The following SGCZ variants were observed in gnomAD, a reference collection of about 807,000 sequenced individuals.
SGCZ encodes the protein sarcoglycan zeta, also known as zeta-sarcoglycan.
In SGCZ, 40 loss-of-function variants were observed where a neutral mutation model predicts 41.3. The ratio of observed to expected loss-of-function variants is 0.97; its 90% CI spans 0.75 to 1.26. The LOEUF is 1.26. Among genes scored for constraint, SGCZ ranks in the 50% most tolerant of loss-of-function variants. The pLI is 0.00. For missense variants in SGCZ, 552 were observed against 369.8 expected (o/e 1.49, Z -4.04); for synonymous variants, 206 against 137.5 (o/e 1.50, Z -3.49).
At chr8:14,864,620 G>C (rs1803863210) in intron 1 of SGCZ, among the ~76,000 whole-genome samples, 2 of 152,092 alleles carry the variant, frequency 1.3e-5, no homozygotes, top group Non-Finnish European at 2.9e-5. Context: ...ATTAAAGTCA[G>C]AGAAATAATA....
At position 14,090,432 on chromosome 8, in the gene SGCZ, A is replaced by T. The variant is rs73213896; in HGVS notation, c.*11T>A. ...AAAAGGCTATTCTGGTGTGAGGAGA[A>T]ATCAGTCACTTCAGCTCCACAGGCA... On this transcript the variant is annotated 3_prime_UTR_variant, in exon 8 of 8. Coordinates refer to ENST00000382080, the MANE Select transcript of SGCZ (RefSeq NM_139167.4). 0.017 allele frequency: 26,843 copies of T among 1,608,498 alleles called. 275 individuals carry two copies. The highest frequency in any genetic ancestry group is 0.027 in the Middle Eastern group (159 of 5,948).
intron 2 of SGCZ, among the ~76,000 whole-genome samples, chr8:14,339,549 T>C (rs1802628878): frequency 6.6e-6 from 1 of 152,216 alleles, no homozygotes; most frequent in Non-Finnish European, 1.5e-5. Context: ...GACGAATCAG[T>C]TGCCATATCC....
intron 1 of SGCZ, among the ~76,000 whole-genome samples, chr8:15,015,095 T>C (rs547884328): frequency 1.3e-5 from 2 of 152,136 alleles, no homozygotes; most frequent in East Asian, 2.0e-4. Flanking sequence ...ATGCAAAAAT[T>C]ACCTGGGCAC....
At chr8:14,689,364 A>G (rs1295266116) in intron 1 of SGCZ, among the ~76,000 whole-genome samples, 1 of 152,208 alleles carries the variant, frequency 6.6e-6, no homozygotes, top group East Asian at 1.9e-4. Context: ...AAAAACAAAT[A>G]CATTGTTTAA....
intron 1 of SGCZ, among the ~76,000 whole-genome samples, chr8:14,842,895 T>A (rs1282030148): frequency 1.3e-5 from 2 of 152,192 alleles, no homozygotes; most frequent in Non-Finnish European, 2.9e-5. Context: ...ATTTTTCTCA[T>A]CTGCCAATGA....
At chr8:14,738,800 C>T (rs1312430929) in intron 1 of SGCZ, among the ~76,000 whole-genome samples, 1 of 152,094 alleles carries the variant, frequency 6.6e-6, no homozygotes, top group Non-Finnish European at 1.5e-5. Flanking sequence ...TGATATTGTT[C>T]CTGTGAGTCT....
chr8:14,977,083 T>G (rs944156839), intron 1 of SGCZ, among the ~76,000 whole-genome samples: 1 of 152,244 alleles, frequency 6.6e-6, no homozygotes, highest in African/African-American at 2.4e-5. Context: ...TCTGTTGTTC[T>G]GGTAACTCCT....
At chr8:14,753,242 A>G (rs959782748) in intron 1 of SGCZ, among the ~76,000 whole-genome samples, 1 of 152,158 alleles carries the variant, frequency 6.6e-6, no homozygotes, top group Non-Finnish European at 1.5e-5. Flanking sequence ...CTAAAATTTT[A>G]GATTCATAAA....
intron 3 of SGCZ, among the ~76,000 whole-genome samples, chr8:14,256,778 G>C (rs1173620581): frequency 6.6e-6 from 1 of 152,046 alleles, no homozygotes; most frequent in South Asian, 2.1e-4. Context: ...CACAAAATCT[G>C]AGTTATCAAC....
intron 2 of SGCZ, among the ~76,000 whole-genome samples, chr8:14,421,783 A>G (rs1057262561): frequency 2.0e-5 from 3 of 152,152 alleles, no homozygotes; most frequent in African/African-American, 7.2e-5. Flanking sequence ...ATAGGGCTTG[A>G]TATATACTAG....
At chr8:15,026,217 A>C (rs1350293646) in intron 1 of SGCZ, among the ~76,000 whole-genome samples, 2 of 152,130 alleles carry the variant, frequency 1.3e-5, no homozygotes, top group Non-Finnish European at 1.5e-5. Context: ...AAATTCTCAG[A>C]CTGGTTAATT....
chr8:14,634,532 G>A (rs1012494021), intron 1 of SGCZ, among the ~76,000 whole-genome samples: 1 of 151,726 alleles, frequency 6.6e-6, no homozygotes, highest in Non-Finnish European at 1.5e-5. Context: ...TGATATTAGT[G>A]GAAGCCTTTT....
At chr8:14,134,959 C>A (rs1803153086) in intron 5 of SGCZ, among the ~76,000 whole-genome samples, 1 of 152,152 alleles carries the variant, frequency 6.6e-6, no homozygotes, top group South Asian at 2.1e-4. Context: ...TTGAAACACA[C>A]AGTAGCGTAT....
intron 2 of SGCZ, among the ~76,000 whole-genome samples, chr8:14,405,069 A>T (rs1427559066): frequency 6.6e-6 from 1 of 152,100 alleles, no homozygotes; most frequent in African/African-American, 2.4e-5. Flanking sequence ...CTTGCTCCTG[A>T]ACTGTGACCC....
At chr8:14,231,158 CAA>C (rs1319722589) in intron 4 of SGCZ, among the ~76,000 whole-genome samples, 25 of 20,790 alleles carry the variant, frequency 1.2e-3, no homozygotes, top group African/African-American at 5.1e-3. Context: ...ATTCTTTGGG[CAA>C]GTGTGTGTGT....
At chr8:14,389,298 T>C (rs528297515) in intron 2 of SGCZ, among the ~76,000 whole-genome samples, 3 of 151,796 alleles carry the variant, frequency 2.0e-5, no homozygotes, top group South Asian at 4.1e-4. Flanking sequence ...AGAAGAAAAG[T>C]AATATTTTAT....
intron 4 of SGCZ, among the ~76,000 whole-genome samples, chr8:14,166,009 A>C (rs1804198001): frequency 6.6e-6 from 1 of 152,132 alleles, no homozygotes; most frequent in Non-Finnish European, 1.5e-5. Flanking sequence ...AGAAAAAATA[A>C]TTTAAAACCC....
chr8:14,702,925 G>GAAGA lies in SGCZ; in HGVS notation c.40-148000_40-147999insTCTT. Reference sequence around the variant, plus strand: ...GGCAGACAGGTAGGTAGTTAGGTAGGTAGATAGATAGATAGATAGATAGAT... The same window carrying GAAGA: ...GGCAGACAGGTAGGTAGTTAGGTAGGAAGATAGATAGATAGATAGATAGATAGAT... On this transcript the variant is annotated intron_variant, in intron 1 of 7. Coordinates refer to ENST00000382080, the MANE Select transcript of SGCZ (RefSeq NM_139167.4). Among the ~76,000 whole-genome samples the GAAGA allele has an allele frequency of 2.4e-5, 3 of 125,980 alleles. No individual in the cohort carries two copies. The Middle Eastern group carries it at 0.012, about 512-fold the overall frequency. 82.6% of individuals were successfully genotyped at this position (125,980 alleles called of 152,430 possible).
intron 2 of SGCZ, among the ~76,000 whole-genome samples, chr8:14,467,539 G>C (rs996460895): frequency 6.6e-6 from 1 of 152,040 alleles, no homozygotes; most frequent in Non-Finnish European, 1.5e-5. Context: ...AGGGCTCTGA[G>C]ATGGGTAGTT....
Sources: gnomAD v4.1 joint callset for allele counts (sites outside exome capture counted in the v4.1 genomes callset) on GRCh38, gnomAD v4.1.1 for gene constraint, MANE v1.5 for transcripts, NCBI Gene and HGNC (gene_info 2026-07-23, HGNC 2026-07-21) for gene names.